Variants in KIAA1328 observed in about 807,000 individuals in gnomAD.
The protein encoded by KIAA1328 is protein hinderin.
In KIAA1328, 52 loss-of-function variants were observed where a neutral mutation model predicts 68.1. The observed-to-expected ratio is 0.76, with a 90% CI of 0.61 to 0.96. The LOEUF (loss-of-function observed/expected upper bound fraction) is 0.96, where lower values mean the gene tolerates loss of function less well. Ranked by LOEUF, KIAA1328 falls within the 40% of genes least tolerant of loss-of-function variation. The pLI is 0.00. For synonymous variants in KIAA1328, 232 were observed against 239.4 expected (o/e 0.97, Z 0.28); for missense variants, 641 against 677.6 (o/e 0.95, Z 0.60).
At chr18:36,915,200 G>A (rs924958019) in intron 5 of KIAA1328, among the ~76,000 whole-genome samples, 2 of 152,252 alleles carry the variant, frequency 1.3e-5, no homozygotes, top group Admixed American at 1.3e-4. Context: ...TAGATTAATG[G>A]AGCAAAACTG....
At chr18:36,836,510 C>G (rs1035277857) in intron 3 of KIAA1328, among the ~76,000 whole-genome samples, 1 of 152,066 alleles carries the variant, frequency 6.6e-6, no homozygotes, top group Non-Finnish European at 1.5e-5. Flanking sequence ...CAACACTGTA[C>G]TTTATTTCTC....
chr18:36,829,267 G>A lies in KIAA1328; in HGVS notation c.58+71G>A, dbSNP rs1299725489. On this transcript the variant is annotated intron_variant, in intron 1 of 9. Coordinates refer to ENST00000280020, the MANE Select transcript of KIAA1328 (RefSeq NM_020776.3). The stretch of plus-strand genomic sequence containing the variant: ...ACGGCGAGGGGCGAGCCGTCGCGTG[G>A]CAGTCCGAGAGCGGAGGAGAAGCTC... The A allele has an allele frequency of 2.9e-5, 42 of 1,452,396 alleles. No individual in the cohort carries two copies. In the Admixed American group the frequency reaches 8.7e-4, roughly 30 times the overall value. The allele number at this position is 1,452,396 out of a possible 1,614,324, so 90.0% of individuals were successfully genotyped here.
At chr18:36,934,580 G>T (rs911874846) in intron 5 of KIAA1328, among the ~76,000 whole-genome samples, 2 of 152,042 alleles carry the variant, frequency 1.3e-5, no homozygotes, top group Non-Finnish European at 2.9e-5. Context: ...TTGTCCTTGC[G>T]ATAGTTTACT....
intron 6 of KIAA1328, among the ~76,000 whole-genome samples, chr18:37,042,196 C>A (rs1350844166): frequency 6.6e-6 from 1 of 152,050 alleles, no homozygotes; most frequent in Non-Finnish European, 1.5e-5. Flanking sequence ...CTGCACCTAG[C>A]CATATATTTA....
At chr18:37,121,504 A>G (rs777020122) in intron 7 of KIAA1328, among the ~76,000 whole-genome samples, 2 of 152,088 alleles carry the variant, frequency 1.3e-5, no homozygotes, top group Non-Finnish European at 2.9e-5. Context: ...ACAAATAACC[A>G]ATTGAGACTC....
intron 9 of KIAA1328, among the ~76,000 whole-genome samples, chr18:37,198,435 C>T (rs767360823): frequency 4.6e-5 from 7 of 152,116 alleles, no homozygotes; most frequent in Non-Finnish European, 7.4e-5. Flanking sequence ...TATAAAAAAT[C>T]TATTGGATTT....
At chr18:37,131,635 G>A (rs978952562) in intron 7 of KIAA1328, among the ~76,000 whole-genome samples, 1 of 152,082 alleles carries the variant, frequency 6.6e-6, no homozygotes, top group Non-Finnish European at 1.5e-5. Context: ...GCACAACACA[G>A]CTCAACAGAT....
At chr18:36,900,293 T>G (rs538850865) in intron 5 of KIAA1328, among the ~76,000 whole-genome samples, 9 of 152,066 alleles carry the variant, frequency 5.9e-5, no homozygotes, top group African/African-American at 2.2e-4. Context: ...GAAGTACTGT[T>G]TTAGTAATAA....
intron 7 of KIAA1328, among the ~76,000 whole-genome samples, chr18:37,073,161 A>G (rs987287981): frequency 2.0e-5 from 3 of 152,216 alleles, no homozygotes; most frequent in East Asian, 3.8e-4. Flanking sequence ...AAAATTGACA[A>G]ATGGGATCTA....
chr18:37,191,840 A>G (rs1391339154), intron 9 of KIAA1328, among the ~76,000 whole-genome samples: 1 of 152,152 alleles, frequency 6.6e-6, no homozygotes, highest in African/African-American at 2.4e-5. Context: ...ATACTTATCA[A>G]CAAGGGGAGT....
At chr18:36,964,391 G>A (rs1416243364) in intron 6 of KIAA1328, among the ~76,000 whole-genome samples, 1 of 152,094 alleles carries the variant, frequency 6.6e-6, no homozygotes, top group Non-Finnish European at 1.5e-5. Context: ...TTTTCATGAG[G>A]CATTTCTTTG....
chr18:37,134,691 T>A (rs1457749486), intron 7 of KIAA1328, among the ~76,000 whole-genome samples: 2 of 152,238 alleles, frequency 1.3e-5, no homozygotes, highest in Non-Finnish European at 2.9e-5. Flanking sequence ...AAATATTTTT[T>A]AAATTTTTTA....
intron 6 of KIAA1328, among the ~76,000 whole-genome samples, chr18:36,987,713 G>A (rs1260120750): frequency 1.3e-5 from 2 of 151,928 alleles, no homozygotes; most frequent in Admixed American, 1.3e-4. Context: ...ATATGTTCTT[G>A]GTCTTGACTG....
chr18:37,168,187 A>G (rs1337029784), intron 8 of KIAA1328, among the ~76,000 whole-genome samples: 1 of 152,252 alleles, frequency 6.6e-6, no homozygotes. Flanking sequence ...GCCCAACTTT[A>G]TAGGAAATTG....
At chr18:37,167,204 G>A (rs1294816662) in intron 8 of KIAA1328, among the ~76,000 whole-genome samples, 1 of 152,180 alleles carries the variant, frequency 6.6e-6, no homozygotes, top group Non-Finnish European at 1.5e-5. Context: ...GTGTCTAGGG[G>A]TAGATGTTTA....
chr18:37,172,672 T>G (rs536693650), intron 8 of KIAA1328, among the ~76,000 whole-genome samples: 2 of 152,204 alleles, frequency 1.3e-5, no homozygotes, highest in Non-Finnish European at 2.9e-5. Context: ...ACATCCCACC[T>G]CCTTGGGCAT....
At chr18:36,870,717 T>C (rs926117760) in intron 4 of KIAA1328, among the ~76,000 whole-genome samples, 1 of 152,212 alleles carries the variant, frequency 6.6e-6, no homozygotes, top group African/African-American at 2.4e-5. Flanking sequence ...TAAACTCATA[T>C]CTCACCAATG....
chr18:37,008,502 A>G (rs2053860157), intron 6 of KIAA1328, among the ~76,000 whole-genome samples: 1 of 152,250 alleles, frequency 6.6e-6, no homozygotes, highest in Admixed American at 6.5e-5. Flanking sequence ...AATTCAAAAT[A>G]GTGCTACCTA....
intron 4 of KIAA1328, among the ~76,000 whole-genome samples, chr18:36,853,525 C>T (rs1202451180): frequency 6.6e-6 from 1 of 152,012 alleles, no homozygotes; most frequent in East Asian, 1.9e-4. Context: ...AAATTTGTGA[C>T]ACTCTAATTT....
Sources: allele counts gnomAD v4.1 joint callset (sites outside exome capture counted in the v4.1 genomes callset), GRCh38; gene constraint gnomAD v4.1.1; transcripts MANE v1.5; gene names NCBI Gene and HGNC (gene_info 2026-07-23, HGNC 2026-07-21).